The following OLFM2 variants were observed in gnomAD, a reference collection of about 807,000 sequenced individuals.
The protein encoded by OLFM2 is olfactomedin 2.
Under a neutral mutation model 43.9 loss-of-function variants are expected in OLFM2, and 20 were observed. The ratio of observed to expected loss-of-function variants is 0.46; its 90% CI spans 0.32 to 0.66. The LOEUF (loss-of-function observed/expected upper bound fraction) is 0.66. Among genes scored for constraint, OLFM2 ranks in the 30% least tolerant of loss-of-function variants. The pLI is 0.04. For synonymous variants in OLFM2, 268 were observed against 278.6 expected (o/e 0.96, Z 0.38); for missense variants, 416 against 643.6 (o/e 0.65, Z 3.83).
At chr19:9,923,638 AAAAGG>A (rs1017694410) in intron 1 of OLFM2, among the ~76,000 whole-genome samples, 4 of 151,086 alleles carry the variant, frequency 2.6e-5, no homozygotes, top group African/African-American at 7.3e-5. Context: ...AGAAGGAAAG[AAAAGG>A]AAAGGAAAGG....
chr19:9,900,992 G>GGAAGGA (rs1332960403), intron 1 of OLFM2, among the ~76,000 whole-genome samples: 4 of 13,400 alleles, frequency 3.0e-4, no homozygotes, highest in Non-Finnish European at 5.5e-4. Context: ...GGAAGGAAGG[G>GGAAGGA]AGGGAGGGGG....
At chr19:9,874,352 G>T (rs575223942) in intron 1 of OLFM2, among the ~76,000 whole-genome samples, 1 of 120,448 alleles carries the variant, frequency 8.3e-6, no homozygotes, top group Non-Finnish European at 1.7e-5. Context: ...TTTTAAGAGA[G>T]ATGGGGGTCT....
chr19:9,919,829 C>G (rs2086408802), intron 1 of OLFM2, among the ~76,000 whole-genome samples: 2 of 126,936 alleles, frequency 1.6e-5, no homozygotes, highest in African/African-American at 6.1e-5. Flanking sequence ...GAGTCTTGCT[C>G]TGTCACCCAG....
intron 1 of OLFM2, among the ~76,000 whole-genome samples, chr19:9,930,246 G>C (rs1421906477): frequency 6.6e-6 from 1 of 152,212 alleles, no homozygotes; most frequent in Non-Finnish European, 1.5e-5. Flanking sequence ...AGTTATGCAA[G>C]TGCAGAGGGG....
At chr19:9,870,950 C>T (rs1369556847) in intron 1 of OLFM2, among the ~76,000 whole-genome samples, 1 of 152,030 alleles carries the variant, frequency 6.6e-6, no homozygotes, top group East Asian at 1.9e-4. Flanking sequence ...AATCCTGGCA[C>T]TTTGGGAGGC....
At chr19:9,855,052 G>A (rs1329176473) in intron 5 of OLFM2, among the ~76,000 whole-genome samples, 189 bp from the exon 6 acceptor site, 2 of 152,028 alleles carry the variant, frequency 1.3e-5, no homozygotes, top group African/African-American at 4.8e-5. Context: ...CATTAACCAT[G>A]GGCAGTGAAT....
At chr19:9,936,271 AC>A (rs1216288387) in intron 1 of OLFM2, 32 bp downstream of exon 1, 1 of 1,520,524 alleles carries the variant, frequency 6.6e-7, no homozygotes, top group African/African-American at 1.4e-5. Flanking sequence ...TCCCGGAGCC[AC>A]CCGCGCCCGC....
At position 9,886,360 on chromosome 19, in the gene OLFM2, C is replaced by T. The variant is rs540116204; in HGVS notation, c.64-25566G>A. ...AGCTGGGATTACAGGCACACACCAC[C>T]ATGCCCAGCTAATTTTTTGTATTTT... On this transcript the variant is annotated intron_variant, in intron 1 of 5. Coordinates refer to ENST00000264833, the MANE Select transcript of OLFM2 (RefSeq NM_058164.4). Among the ~76,000 whole-genome samples the T allele has an allele frequency of 1.3e-4, 20 of 152,122 alleles. No individual in the cohort carries two copies. The South Asian group carries it at 4.1e-3, about 32-fold the overall frequency.
At chr19:9,925,530 C>A (rs908234504) in intron 1 of OLFM2, among the ~76,000 whole-genome samples, 1 of 151,942 alleles carries the variant, frequency 6.6e-6, no homozygotes. Context: ...CGCACTGCAG[C>A]CTTGACCTCC....
intron 1 of OLFM2, among the ~76,000 whole-genome samples, chr19:9,878,595 G>T (rs1160963443): frequency 6.6e-6 from 1 of 151,908 alleles, no homozygotes. Flanking sequence ...GTGATGAGAT[G>T]ACCCTGTCGG....
Position 9,857,726 on chromosome 19 carries a change from T to C in OLFM2, c.349A>G (p.Lys117Glu), listed in dbSNP as rs775840754. ...LRAADGSLSA[K>E]SFQELKDRMT... Reference sequence around the variant, plus strand: ...ACAGGAGGACCCACCTGGAAGCTCTTGGCCGAGAGGGACCCATCAGCTGCC... The same window carrying C: ...ACAGGAGGACCCACCTGGAAGCTCTCGGCCGAGAGGGACCCATCAGCTGCC... Residue 117 changes from lysine (K) to glutamate (E), a missense_variant, in exon 3 of 6, where the codon AAG becomes GAG. By Grantham distance (56) the Lys-to-Glu change is moderately conservative. Coordinates refer to ENST00000264833, the MANE Select transcript of OLFM2 (RefSeq NM_058164.4). This position sits in a 1 kb window ranked among gnomAD's most constrained non-coding sequence, Gnocchi z 5.7. 7.4e-6 allele frequency: 12 copies of C among 1,614,180 alleles called. No homozygotes were observed. Among genetic ancestry groups the C allele is most frequent in the Non-Finnish European group, 9.3e-6 (11 of 1,180,034 alleles).
chr19:9,926,722 G>C (rs1402263648), intron 1 of OLFM2, among the ~76,000 whole-genome samples: 1 of 152,158 alleles, frequency 6.6e-6, no homozygotes, highest in South Asian at 2.1e-4. Context: ...GCTCACGCCT[G>C]TAATCCCAGC....
At chr19:9,923,440 C>G (rs1047882220) in intron 1 of OLFM2, among the ~76,000 whole-genome samples, 5 of 151,170 alleles carry the variant, frequency 3.3e-5, no homozygotes, top group Non-Finnish European at 7.4e-5. Flanking sequence ...CCTGTAATCC[C>G]AGATGCTTGG....
chr19:9,874,584 G>A (rs1160486116), intron 1 of OLFM2, among the ~76,000 whole-genome samples: 2 of 152,030 alleles, frequency 1.3e-5, no homozygotes, highest in Admixed American at 1.3e-4. Flanking sequence ...GGGTTCAAGC[G>A]ATTCTCCTGC....
chr19:9,873,796 ATTTTTTTTTTTTTTTTTTTT>A (rs71188848), intron 1 of OLFM2, among the ~76,000 whole-genome samples: 26 of 70,484 alleles, frequency 3.7e-4, no homozygotes, highest in African/African-American at 7.7e-4. Context: ...TGCCCAGCTA[ATTTTTTTTTTTTTTTTTTTT>A]TTTTTTTTTT....
At chr19:9,910,009 A>C (rs1345010032) in intron 1 of OLFM2, among the ~76,000 whole-genome samples, 4 of 152,230 alleles carry the variant, frequency 2.6e-5, no homozygotes, top group Admixed American at 1.3e-4. Flanking sequence ...GTAGTGAGCA[A>C]AACACAGATG....
intron 1 of OLFM2, among the ~76,000 whole-genome samples, chr19:9,899,912 T>G (rs946724326): frequency 6.6e-6 from 1 of 151,168 alleles, no homozygotes; most frequent in Non-Finnish European, 1.5e-5. Flanking sequence ...CAGATGATAA[T>G]TTCTTGTTTA....
chr19:9,904,186 G>GTGTGTA (rs2046765399), intron 1 of OLFM2, among the ~76,000 whole-genome samples: 2 of 150,692 alleles, frequency 1.3e-5, no homozygotes, highest in African/African-American at 4.9e-5. Context: ...GTGTGTGTGT[G>GTGTGTA]TGTGTGTGTG....
chr19:9,920,138 G>T (rs909865132), intron 1 of OLFM2, among the ~76,000 whole-genome samples: 7 of 151,920 alleles, frequency 4.6e-5, no homozygotes, highest in African/African-American at 1.5e-4. Context: ...AAGTAGCTGG[G>T]CATGGTGGCA....
Sources: allele counts gnomAD v4.1 joint callset (sites outside exome capture counted in the v4.1 genomes callset), GRCh38; gene constraint gnomAD v4.1.1; non-coding constraint Gnocchi (gnomAD v3.1); transcripts MANE v1.5; gene names NCBI Gene and HGNC (gene_info 2026-07-23, HGNC 2026-07-21).